Variants in HORMAD1 observed in about 807,000 individuals in gnomAD.
The protein encoded by HORMAD1 is HORMA domain-containing protein 1.
A neutral mutation model predicts 58.2 loss-of-function variants in HORMAD1; 33 were observed. That is an observed-to-expected ratio of 0.57 (90% CI 0.43 to 0.76). HORMAD1 has a LOEUF of 0.76. Among genes scored for constraint, HORMAD1 ranks in the 30% least tolerant of loss-of-function variants. The pLI is 0.00. For missense variants in HORMAD1, 363 were observed against 462.0 expected (o/e 0.79, Z 1.96); for synonymous variants, 137 against 144.6 (o/e 0.95, Z 0.38).
intron 3 of HORMAD1, 69 bp downstream of exon 3, chr1:150,717,069 A>C: frequency 1.0e-6 from 1 of 980,678 alleles, no homozygotes. Context: ...GTCAAAAATT[A>C]TAGTTTTGGA....
intron 14 of HORMAD1, among the ~76,000 whole-genome samples, chr1:150,699,469 T>C (rs1173797614): frequency 6.6e-6 from 1 of 152,092 alleles, no homozygotes; most frequent in African/African-American, 2.4e-5. Context: ...AAAATGGCCT[T>C]AGTATTCTTG....
At chr1:150,718,339 G>A (rs1276908604) in intron 2 of HORMAD1, among the ~76,000 whole-genome samples, 1 of 142,674 alleles carries the variant, frequency 7.0e-6, no homozygotes, top group Non-Finnish European at 1.5e-5. Flanking sequence ...CACCATGCCT[G>A]GCTAATTTTT....
intron 2 of HORMAD1, among the ~76,000 whole-genome samples, chr1:150,718,952 C>T (rs1441883021): frequency 2.6e-5 from 4 of 152,124 alleles, no homozygotes; most frequent in African/African-American, 9.7e-5. Flanking sequence ...ATGCAGCAAA[C>T]ATCCAATAGA....
chr1:150,700,588 T>C (rs1651507278), intron 13 of HORMAD1, among the ~76,000 whole-genome samples: 1 of 152,180 alleles, frequency 6.6e-6, no homozygotes, highest in Admixed American at 6.5e-5. Flanking sequence ...TTACATCACT[T>C]TCATCACCCC....
At chr1:150,707,944 A>G (rs1651749576) in intron 9 of HORMAD1, among the ~76,000 whole-genome samples, 1 of 152,140 alleles carries the variant, frequency 6.6e-6, no homozygotes, top group Admixed American at 6.5e-5. Context: ...TCAAACAAAA[A>G]AAAGTTCCTG....
At chr1:150,709,373 A>G (rs1164531643) in intron 7 of HORMAD1, among the ~76,000 whole-genome samples, 1 of 152,202 alleles carries the variant, frequency 6.6e-6, no homozygotes, top group Non-Finnish European at 1.5e-5. Flanking sequence ...ACAGAAACAT[A>G]TGTTGTATGA....
chr1:150,720,399 C>T (rs1207650069), intron 1 of HORMAD1, among the ~76,000 whole-genome samples: 1 of 151,946 alleles, frequency 6.6e-6, no homozygotes, highest in Non-Finnish European at 1.5e-5. Context: ...GACGGGGTTT[C>T]GCCATGTTGG....
chr1:150,715,963 C>T (rs960292470), intron 3 of HORMAD1, among the ~76,000 whole-genome samples: 20 of 151,454 alleles, frequency 1.3e-4, no homozygotes, highest in Admixed American at 3.3e-4. Context: ...TACATCAGTG[C>T]GGCATTATTC....
chr1:150,706,245 T>G (rs1651687664), intron 10 of HORMAD1, among the ~76,000 whole-genome samples: 1 of 152,174 alleles, frequency 6.6e-6, no homozygotes, highest in Admixed American at 6.5e-5. Flanking sequence ...TTTCAAATTA[T>G]GCCCTAGAGT....
intron 4 of HORMAD1, 21 bp downstream of exon 4, chr1:150,714,593 CT>C: frequency 7.8e-7 from 1 of 1,286,958 alleles, no homozygotes; most frequent in Non-Finnish European, 1.1e-6. Flanking sequence ...AATTTTCTCT[CT>C]TTAGGTATTC....
intron 7 of HORMAD1, among the ~76,000 whole-genome samples, chr1:150,710,971 G>A (rs1410043412): frequency 2.0e-5 from 3 of 152,252 alleles, no homozygotes; most frequent in South Asian, 2.1e-4. Context: ...TCTGTAAAGC[G>A]GAGATGCTAA....
chr1:150,719,748 A>G (rs1652189640), intron 1 of HORMAD1, among the ~76,000 whole-genome samples: 1 of 152,216 alleles, frequency 6.6e-6, no homozygotes, highest in Non-Finnish European at 1.5e-5. Flanking sequence ...GCAAGTCTCA[A>G]ACAAATGGGT....
intron 10 of HORMAD1, among the ~76,000 whole-genome samples, chr1:150,704,700 C>T (rs587718939): frequency 2.0e-5 from 3 of 152,148 alleles, no homozygotes; most frequent in South Asian, 2.1e-4. Flanking sequence ...CATCCCACTG[C>T]GCTCCAGCCT....
At chr1:150,714,302 A>G (rs1293994357) in intron 4 of HORMAD1, among the ~76,000 whole-genome samples, 181 bp from the exon 5 acceptor site, 2 of 152,216 alleles carry the variant, frequency 1.3e-5, no homozygotes, top group Non-Finnish European at 2.9e-5. Context: ...GAAATGTAAA[A>G]TGATGATAGA....
intron 7 of HORMAD1, among the ~76,000 whole-genome samples, chr1:150,709,582 A>G (rs1268988261): frequency 1.3e-5 from 2 of 151,888 alleles, no homozygotes; most frequent in African/African-American, 4.8e-5. Context: ...GATAGTCTGA[A>G]ATATGGCCTT....
chr1:150,717,726 T>A (rs1652128184), intron 2 of HORMAD1, among the ~76,000 whole-genome samples: 1 of 150,150 alleles, frequency 6.7e-6, no homozygotes. Context: ...AGGTCAGGAG[T>A]TCAAGACCAG....
intron 8 of HORMAD1, 30 bp downstream of exon 8, chr1:150,708,864 T>C: frequency 8.9e-7 from 1 of 1,119,900 alleles, no homozygotes; most frequent in East Asian, 2.4e-5. Flanking sequence ...TGGTAATCTG[T>C]AATACAAACA....
At chr1:150,718,574 G>A (rs937182325) in intron 2 of HORMAD1, among the ~76,000 whole-genome samples, 2 of 152,000 alleles carry the variant, frequency 1.3e-5, no homozygotes, top group Admixed American at 1.3e-4. Flanking sequence ...TAAGTGTAAT[G>A]CAAAATCCTA....
chr1:150,714,132 A>G lies in HORMAD1; in HGVS notation c.243-11T>C. On this transcript the variant is annotated splice_polypyrimidine_tract_variant and intron_variant, in intron 4 of 14. Coordinates refer to ENST00000361824, the MANE Select transcript of HORMAD1 (RefSeq NM_032132.5). ...TAACATCCTAGCATCCTAAAAAAAA[A>G]ATCAAGGATTCATTTTTAGACTGAA... is the stretch of plus-strand genomic sequence containing the variant. 6.7e-7 allele frequency: 1 copy of G among 1,493,236 alleles called. No individual in the cohort carries two copies. The highest frequency in any genetic ancestry group is 9.2e-7 in the Non-Finnish European group (1 of 1,087,948). 92.5% of individuals were successfully genotyped at this position (1,493,236 alleles called of 1,614,324 possible).
Sources: allele counts gnomAD v4.1 joint callset (sites outside exome capture counted in the v4.1 genomes callset), GRCh38; gene constraint gnomAD v4.1.1; transcripts MANE v1.5; gene names NCBI Gene and HGNC (gene_info 2026-07-23, HGNC 2026-07-21).